Variants in MPHOSPH9 observed in about 807,000 individuals in gnomAD.
MPHOSPH9 encodes M-phase phosphoprotein 9.
A neutral mutation model predicts 145.5 loss-of-function variants in MPHOSPH9; 88 were observed. The observed-to-expected ratio is 0.60, with a 90% CI of 0.51 to 0.72. The LOEUF (loss-of-function observed/expected upper bound fraction) is 0.72. MPHOSPH9 is among the 30% of genes least tolerant of loss of function. MPHOSPH9 has a pLI of 0.00. For missense variants in MPHOSPH9, 1,238 were observed against 1,386.6 expected (o/e 0.89, Z 1.70); for synonymous variants, 435 against 486.2 (o/e 0.89, Z 1.39).
At chr12:123,171,973 G>A (rs1488159287) in intron 16 of MPHOSPH9, among the ~76,000 whole-genome samples, 1 of 152,138 alleles carries the variant, frequency 6.6e-6, no homozygotes, top group East Asian at 1.9e-4. Flanking sequence ...TTTGTGTTCA[G>A]CATTCCCATG....
intron 8 of MPHOSPH9, among the ~76,000 whole-genome samples, chr12:123,204,462 A>G (rs1446966615): frequency 6.6e-6 from 1 of 152,210 alleles, no homozygotes; most frequent in African/African-American, 2.4e-5. Flanking sequence ...AGTTGGCCAA[A>G]CAAAACTAGG....
rs773349881 is a variant in MPHOSPH9, at chr12:123,221,726, G to A, written c.518C>T (p.Thr173Ile). The A allele has an allele frequency of 5.6e-6, 9 of 1,613,988 alleles. No individual in the cohort carries two copies. The highest frequency in any genetic ancestry group is 1.6e-4 in the Middle Eastern group (1 of 6,084). Residue 173 changes from threonine to isoleucine, a missense_variant, in exon 5 of 24, where the codon ACA (threonine) becomes ATA (isoleucine). Thr to Ile is a moderately conservative substitution (Grantham distance 89). Around this residue, in one of 3 missense-constraint regions of MPHOSPH9, gnomAD observed 837 missense variants for 897.5 expected, o/e 0.93. Transcript: ENST00000606320. ...NESVIHYPES[T>I]EPEIQQEMST... Reference sequence around the variant, plus strand: ...CATTTCTTGCTGTATTTCAGGTTCTGTGGATTCAGGATAATGGATAACAGA... The same window carrying A: ...CATTTCTTGCTGTATTTCAGGTTCTATGGATTCAGGATAATGGATAACAGA...
intron 12 of MPHOSPH9, among the ~76,000 whole-genome samples, chr12:123,195,353 G>A (rs1351831921): frequency 1.3e-5 from 2 of 150,804 alleles, no homozygotes; most frequent in Non-Finnish European, 3.0e-5. Context: ...TTGGGAGGCC[G>A]AGGCAGGTGA....
chr12:123,203,031 C>T lies in MPHOSPH9; in HGVS notation c.1374G>A (p.Gly458=). The T allele has an allele frequency of 1.9e-6, 3 of 1,614,154 alleles. No homozygotes were observed. In the Admixed American group the frequency reaches 5.0e-5, roughly 27 times the overall value. Residue 458 remains glycine (G), a synonymous_variant, in exon 10 of 24, where the codon GGG becomes GGA. Coordinates refer to ENST00000606320, the MANE Select transcript of MPHOSPH9 (RefSeq NM_022782.4). ...LHMKPKQQIS[G]IQPHGLPNAL... is the part of the protein sequence containing the mutation. The stretch of plus-strand genomic sequence containing the variant: ...CATTCGGAAGGCCGTGAGGTTGAAT[C>T]CCTGAAATCTGCTGCTTTGGCTTCA...
Position 123,195,852 on chromosome 12 carries a change from C to T in MPHOSPH9, c.2026-1251G>A, listed in dbSNP as rs140170473. Among the ~76,000 whole-genome samples, 934 of 151,932 alleles carry T rather than the reference C, an allele frequency of 6.1e-3. 33 individuals carry two copies. Among genetic ancestry groups the T allele is most frequent in the Admixed American group, 0.053 (807 of 15,228 alleles). On this transcript the variant is annotated intron_variant, in intron 12 of 23. Transcript: ENST00000606320. ...CCCAGGAGTTTAAGACCAGCCTGGG[C>T]GACATAGCGTGTCTCAACAAAAAAT...
At chr12:123,204,757 CCCAG>C (rs1486184666) in intron 8 of MPHOSPH9, among the ~76,000 whole-genome samples, 3 of 152,218 alleles carry the variant, frequency 2.0e-5, no homozygotes, top group Non-Finnish European at 4.4e-5. Flanking sequence ...GGCCTGTAAT[CCCAG>C]CAACGCAGGA....
upstream of MPHOSPH9, among the ~76,000 whole-genome samples, chr12:123,234,548 AC>A (rs2138732428): frequency 6.6e-6 from 1 of 152,138 alleles, no homozygotes; most frequent in South Asian, 2.1e-4. Flanking sequence ...GGTGCCCGCC[AC>A]CACATCCGGC....
rs569737006 is a variant in MPHOSPH9 at position 123,193,808 on chromosome 12, C to A, written c.2241+578G>T. On this transcript the variant is annotated intron_variant, in intron 13 of 23. Coordinates refer to ENST00000606320, the MANE Select transcript of MPHOSPH9 (RefSeq NM_022782.4). ...AATGTTAAGATAGCTTGAAAGTTGACCTGATGCAGACACAGTTTTTTTTTT... is the reference window on the plus strand; with the variant it reads ...AATGTTAAGATAGCTTGAAAGTTGAACTGATGCAGACACAGTTTTTTTTTT... Among the ~76,000 whole-genome samples, 20 of 143,654 alleles carry A rather than the reference C, an allele frequency of 1.4e-4. No homozygotes were observed. The South Asian group carries it at 4.6e-3, about 33-fold the overall frequency. The allele number at this position is 143,654 out of a possible 152,430, so 94.2% of individuals were successfully genotyped here. A position where few individuals can be genotyped will look rare whatever the true frequency, so the allele number is the denominator to read the frequency against.
chr12:123,171,978 C>G (rs182910506), intron 16 of MPHOSPH9, among the ~76,000 whole-genome samples: 13 of 152,288 alleles, frequency 8.5e-5, no homozygotes, highest in Admixed American at 8.5e-4. Flanking sequence ...GTTCAGCATT[C>G]CCATGCACGT....
chr12:123,171,005 C>A (rs2044553199), intron 16 of MPHOSPH9, among the ~76,000 whole-genome samples: 1 of 152,216 alleles, frequency 6.6e-6, no homozygotes, highest in South Asian at 2.1e-4. Flanking sequence ...AACATGTTCT[C>A]ATTTTTATTA....
Position 123,208,321 on chromosome 12 carries a change from G to A in MPHOSPH9, c.1194+1735C>T, listed in dbSNP as rs1275217866. 5.3e-5 allele frequency among the ~76,000 whole-genome samples: 8 copies of A among 151,608 alleles called. No homozygotes were observed. The Middle Eastern group carries it at 0.014, about 258-fold the overall frequency. ...TGGGAGGCCAAGGCAAGCAAATCAC[G>A]AGGTCAAGAGATCGAGACCATCCTG... On this transcript the variant is annotated intron_variant, in intron 8 of 23. Coordinates refer to ENST00000606320, the MANE Select transcript of MPHOSPH9 (RefSeq NM_022782.4).
chr12:123,179,394 C>T (rs573781904), intron 15 of MPHOSPH9, among the ~76,000 whole-genome samples: 1 of 152,044 alleles, frequency 6.6e-6, no homozygotes, highest in African/African-American at 2.4e-5. Context: ...GCCAACATGG[C>T]GAAACCCTGT....
At chr12:123,225,521 GAAGA>G (rs1565976691) in intron 3 of MPHOSPH9, among the ~76,000 whole-genome samples, 1 of 116,298 alleles carries the variant, frequency 8.6e-6, no homozygotes, top group East Asian at 3.1e-4. Flanking sequence ...AGGAAGGAAG[GAAGA>G]AAGGAAGGGA....
At chr12:123,232,304 G>C (rs555716316) in intron 1 of MPHOSPH9, among the ~76,000 whole-genome samples, 1 of 152,010 alleles carries the variant, frequency 6.6e-6, no homozygotes, top group Non-Finnish European at 1.5e-5. Flanking sequence ...TTCTCCATTT[G>C]GGGTGGAGGT....
At chr12:123,229,635 G>A (rs1199904655) in intron 2 of MPHOSPH9, among the ~76,000 whole-genome samples, 1 of 151,862 alleles carries the variant, frequency 6.6e-6, no homozygotes, top group African/African-American at 2.4e-5. Flanking sequence ...ATAATATTTA[G>A]GCAACTAAAT....
At position 123,221,761 on chromosome 12, in the gene MPHOSPH9, C is replaced by T; in HGVS notation, c.483G>A (p.Glu161=). 1 of 1,614,098 alleles carries T rather than the reference C, an allele frequency of 6.2e-7. No homozygotes were observed. The highest frequency in any genetic ancestry group is 2.2e-5 in the East Asian group (1 of 44,874). ...SQMGFFSLSS[E]RNESVIHYPE... ...GATAATGGATAACAGATTCATTTCT[C>T]TCACTGCTTAGAGAAAAAAAACCCA... The change falls in exon 5 of 24, where the codon GAG becomes GAA. Residue 161 remains glutamate, a synonymous_variant. Coordinates refer to ENST00000606320, the MANE Select transcript of MPHOSPH9 (RefSeq NM_022782.4).
chr12:123,192,786 C>T (rs1421056877), intron 13 of MPHOSPH9, among the ~76,000 whole-genome samples: 3 of 151,708 alleles, frequency 2.0e-5, no homozygotes, highest in African/African-American at 7.3e-5. Context: ...ATATATCACA[C>T]CATTATTTTA....
At chr12:123,207,869 GA>G (rs56034849) in intron 8 of MPHOSPH9, among the ~76,000 whole-genome samples, 113,711 of 143,198 alleles carry the variant, frequency 0.79, 45,079 homozygotes, top group East Asian at 0.99. Context: ...AAAAAAAAAA[GA>G]AAAAAAAAAA....
At position 123,192,318 on chromosome 12, in the gene MPHOSPH9, G is replaced by C. The variant is rs141031345; in HGVS notation, c.2241+2068C>G. ...ATGATACAAAAATTAGCCAAGTGTG[G>C]TGGCGTGCACCTGTAATCCCAGCTA... On this transcript the variant is annotated intron_variant, in intron 13 of 23. Transcript: ENST00000606320. Among the ~76,000 whole-genome samples the C allele has an allele frequency of 9.2e-3, 1,396 of 151,902 alleles. 20 individuals carry two copies. Among genetic ancestry groups the C allele is most frequent in the African/African-American group, 0.032 (1,312 of 41,404 alleles).
Sources: gnomAD v4.1 joint callset for allele counts (sites outside exome capture counted in the v4.1 genomes callset) on GRCh38, gnomAD v4.1.1 for gene constraint, gnomAD v4.1.1 regional missense constraint, MANE v1.5 for transcripts, NCBI Gene and HGNC (gene_info 2026-07-23, HGNC 2026-07-21) for gene names.